CCSER1: variants seen among roughly 807,000 people sequenced by gnomAD.
CCSER1 encodes coiled-coil serine rich protein 1.
In CCSER1, 41 loss-of-function variants were observed where a neutral mutation model predicts 82.0. The observed-to-expected ratio is 0.50, with a 90% CI of 0.39 to 0.65. CCSER1 has a LOEUF of 0.65. Among genes scored for constraint, CCSER1 ranks in the 30% least tolerant of loss-of-function variants. CCSER1 has a pLI of 0.00. For synonymous variants in CCSER1, 414 were observed against 383.9 expected, an observed-to-expected ratio of 1.08 and a Z score of -0.92; for missense variants, 1,119 against 1,064.2, an observed-to-expected ratio of 1.05 and a Z score of -0.72.
rs546989055 is a variant in CCSER1, at chr4:91,504,624, CATT to C, written c.2218-93946_2218-93944del. 5.9e-5 allele frequency among the ~76,000 whole-genome samples: 9 copies of C among 152,038 alleles called. No homozygotes were observed. The South Asian group carries it at 1.9e-3, about 32-fold the overall frequency. On this transcript the variant is annotated intron_variant, in intron 10 of 10. Coordinates refer to ENST00000509176, the MANE Select transcript of CCSER1 (RefSeq NM_001145065.2). The stretch of plus-strand genomic sequence containing the variant: ...TTTTATTGTACTTTATCATTGACAT[CATT>C]AAGGATAAATTGCAAAACTATCATA...
At chr4:91,327,018 G>T (rs1029635660) in intron 10 of CCSER1, among the ~76,000 whole-genome samples, 18 of 152,178 alleles carry the variant, frequency 1.2e-4, no homozygotes, top group Non-Finnish European at 2.4e-4. Context: ...TCATGGACTG[G>T]CATAGAGTGC....
Position 90,752,175 on chromosome 4 carries a change from C to T in CCSER1, c.2010+28184C>T, listed in dbSNP as rs181332711. On this transcript the variant is annotated intron_variant, in intron 7 of 10. Coordinates refer to ENST00000509176, the MANE Select transcript of CCSER1 (RefSeq NM_001145065.2). ...CATGAGTTAAGCTAGGCATTTTCAA[C>T]CTCATTTCCTATGAGGAGAAACAGA... Among the ~76,000 whole-genome samples, 3 of 152,214 alleles carry T rather than the reference C, an allele frequency of 2.0e-5. No individual in the cohort carries two copies. In the East Asian group the frequency reaches 5.8e-4, roughly 29 times the overall value.
intron 9 of CCSER1, among the ~76,000 whole-genome samples, chr4:91,062,720 A>T (rs1222405498): frequency 1.3e-5 from 2 of 152,104 alleles, no homozygotes; most frequent in Admixed American, 1.3e-4. Flanking sequence ...AGCAAACTTA[A>T]ATTATTCTAC....
intron 10 of CCSER1, among the ~76,000 whole-genome samples, chr4:91,131,399 A>C (rs914178293): frequency 2.0e-5 from 3 of 151,010 alleles, no homozygotes; most frequent in Admixed American, 6.6e-5. Flanking sequence ...TGTATAGAAC[A>C]CACACTGACC....
At chr4:90,805,058 CATA>C (rs770053253) in intron 7 of CCSER1, among the ~76,000 whole-genome samples, 98 of 145,888 alleles carry the variant, frequency 6.7e-4, no homozygotes, top group Non-Finnish European at 1.1e-3. Context: ...ACTATAATGA[CATA>C]ATTTACACTA....
intron 9 of CCSER1, among the ~76,000 whole-genome samples, chr4:90,942,405 T>C (rs1432414854): frequency 1.3e-5 from 2 of 152,214 alleles, no homozygotes; most frequent in African/African-American, 4.8e-5. Flanking sequence ...ATCTATGCAT[T>C]GGTGTGCTCT....
intron 5 of CCSER1, among the ~76,000 whole-genome samples, chr4:90,509,521 T>C (rs368188706): frequency 6.6e-6 from 1 of 152,158 alleles, no homozygotes; most frequent in Non-Finnish European, 1.5e-5. Context: ...TCATTTTTTT[T>C]ATAACTATGT....
chr4:90,742,591 C>A (rs921399505), intron 7 of CCSER1, among the ~76,000 whole-genome samples: 1 of 152,078 alleles, frequency 6.6e-6, no homozygotes, highest in Non-Finnish European at 1.5e-5. Flanking sequence ...CTGCTGACAC[C>A]TTGATTTTGG....
At chr4:90,249,431 A>G (rs1392773702) in intron 1 of CCSER1, among the ~76,000 whole-genome samples, 1 of 152,202 alleles carries the variant, frequency 6.6e-6, no homozygotes, top group Non-Finnish European at 1.5e-5. Flanking sequence ...AACTCAGAGT[A>G]AATTTTAAAC....
At chr4:90,968,443 T>C (rs1211813358) in intron 9 of CCSER1, among the ~76,000 whole-genome samples, 5 of 152,018 alleles carry the variant, frequency 3.3e-5, no homozygotes, top group African/African-American at 1.2e-4. Flanking sequence ...GTAGCACATA[T>C]AGTCACCTTG....
At chr4:90,883,705 G>A (rs1721682072) in intron 8 of CCSER1, among the ~76,000 whole-genome samples, 1 of 152,194 alleles carries the variant, frequency 6.6e-6, no homozygotes, top group South Asian at 2.1e-4. Flanking sequence ...AGAGCCTTCT[G>A]TCATTCTGTC....
intron 5 of CCSER1, among the ~76,000 whole-genome samples, chr4:90,477,117 A>G (rs745392958): frequency 6.6e-5 from 10 of 152,222 alleles, no homozygotes; most frequent in Non-Finnish European, 1.5e-4. Flanking sequence ...TCGATTTGCA[A>G]ATATATAAGA....
chr4:90,257,327 G>A (rs1022734672), intron 1 of CCSER1, among the ~76,000 whole-genome samples: 1 of 151,894 alleles, frequency 6.6e-6, no homozygotes, highest in Non-Finnish European at 1.5e-5. Context: ...GACCTTGTAT[G>A]GTTCTTTTGT....
chr4:90,303,741 G>A (rs529055367), intron 1 of CCSER1, among the ~76,000 whole-genome samples: 37 of 152,256 alleles, frequency 2.4e-4, no homozygotes, highest in South Asian at 6.2e-4. Flanking sequence ...ATAGGCATGC[G>A]CAAGGACTTC....
chr4:90,334,309 T>A lies in CCSER1; in HGVS notation c.1509+21262T>A, dbSNP rs574401315. ...GGGTAGGAAGTCAGGAGCGATTGACTTTTTTTAAGCGATTGGTTTTAAGCA... is the reference window on the plus strand; with the variant it reads ...GGGTAGGAAGTCAGGAGCGATTGACATTTTTTAAGCGATTGGTTTTAAGCA... On this transcript the variant is annotated intron_variant, in intron 3 of 10. Coordinates refer to ENST00000509176, the MANE Select transcript of CCSER1 (RefSeq NM_001145065.2). Among the ~76,000 whole-genome samples, 14 of 152,142 alleles carry A rather than the reference T, an allele frequency of 9.2e-5. No homozygotes were observed. In the South Asian group the frequency reaches 2.5e-3, roughly 27 times the overall value.
intron 9 of CCSER1, among the ~76,000 whole-genome samples, chr4:91,061,776 C>A (rs1290831439): frequency 6.6e-6 from 1 of 150,818 alleles, no homozygotes; most frequent in African/African-American, 2.4e-5. Context: ...TTTTTTTTCA[C>A]CTGTGGTAGG....
intron 10 of CCSER1, among the ~76,000 whole-genome samples, chr4:91,338,622 CA>C (rs1747482100): frequency 6.6e-6 from 1 of 152,052 alleles, no homozygotes; most frequent in Admixed American, 6.6e-5. Context: ...ATATAGTTAA[CA>C]TACTAAAGTG....
At chr4:90,845,158 C>G (rs952263451) in intron 8 of CCSER1, among the ~76,000 whole-genome samples, 1 of 151,888 alleles carries the variant, frequency 6.6e-6, no homozygotes, top group African/African-American at 2.4e-5. Context: ...GTCAGGAGAT[C>G]GAGACCATCG....
chr4:90,592,663 C>T (rs995448626), intron 5 of CCSER1, among the ~76,000 whole-genome samples: 1 of 151,606 alleles, frequency 6.6e-6, no homozygotes, highest in African/African-American at 2.4e-5. Flanking sequence ...ATTACTTGCC[C>T]CATATGCTTC....
Sources: allele counts gnomAD v4.1 joint callset (sites outside exome capture counted in the v4.1 genomes callset), GRCh38; gene constraint gnomAD v4.1.1; transcripts MANE v1.5; gene names NCBI Gene and HGNC (gene_info 2026-07-23, HGNC 2026-07-21).